SPTBN5: variants seen among roughly 807,000 people sequenced by gnomAD.
The protein encoded by SPTBN5 is spectrin beta chain, non-erythrocytic 5.
A neutral mutation model predicts 477.6 loss-of-function variants in SPTBN5; 513 were observed. That is an observed-to-expected ratio of 1.07 (90% CI 1.00 to 1.16). The LOEUF (loss-of-function observed/expected upper bound fraction) is 1.16. Among genes scored for constraint, SPTBN5 ranks in the 50% most tolerant of loss-of-function variants. The pLI is 0.00. For synonymous variants in SPTBN5, 2,169 were observed against 2,011.7 expected (o/e 1.08, Z -2.09); for missense variants, 5,062 against 4,731.8 (o/e 1.07, Z -2.05).
intron 61 of SPTBN5, 128 bp from the exon 62 acceptor site, chr15:41,852,444 T>TA: frequency 5.8e-6 from 8 of 1,384,980 alleles, no homozygotes; most frequent in Non-Finnish European, 7.9e-6. Flanking sequence ...TCACTAGCTC[T>TA]TTCAGCTTTG....
At chr15:41,851,737 C>G (rs998834612) in intron 63 of SPTBN5, 42 bp downstream of exon 63, 1 of 1,505,128 alleles carries the variant, frequency 6.6e-7, no homozygotes, top group Non-Finnish European at 9.2e-7. Flanking sequence ...AGTGCTGCTG[C>G]AAGTGGGGAG....
rs372936647 is a variant in SPTBN5, at chr15:41,858,502, C to T, written c.8226+100G>A. 98 of 1,400,026 alleles carry T rather than the reference C, an allele frequency of 7.0e-5. 1 individual carries two copies. The highest frequency in any genetic ancestry group is 6.3e-4 in the African/African-American group (44 of 70,120). The allele number at this position is 1,400,026 out of a possible 1,614,324, so 86.7% of individuals were successfully genotyped here. A position where few individuals can be genotyped will look rare whatever the true frequency, so the allele number is the denominator to read the frequency against. On this transcript the variant is annotated intron_variant, in intron 49 of 67. Transcript: ENST00000320955. ...CCTGCATGCAGAAAGTACTGGATAACGCTGGCCACCGTTACTGTGGTTCAG... is the reference window on the plus strand; with the variant it reads ...CCTGCATGCAGAAAGTACTGGATAATGCTGGCCACCGTTACTGTGGTTCAG...
rs1377432838 is a variant in SPTBN5 at position 41,877,328 on chromosome 15, G to A, written c.3499C>T (p.Pro1167Ser). The change falls in exon 18 of 68, where the codon CCC becomes TCC. Residue 1167 changes from proline to serine, a missense_variant. Physicochemically the swap from Pro to Ser is moderately conservative, Grantham distance 74 (BLOSUM62 -1). Coordinates refer to ENST00000320955, the MANE Select transcript of SPTBN5 (RefSeq NM_016642.4). The part of the protein sequence containing the change: ...RLQQLDAQSQ[P>S]MAALDCPDSQ... ...TCTGGGCAGTCCAAGGCTGCCATGGGCTGGCTCTGAGCGTCCAGCTGCTGC... is the reference window on the plus strand; with the variant it reads ...TCTGGGCAGTCCAAGGCTGCCATGGACTGGCTCTGAGCGTCCAGCTGCTGC... The A allele has an allele frequency of 6.2e-7, 1 of 1,609,876 alleles. No homozygotes were observed. The highest frequency in any genetic ancestry group is 8.5e-7 in the Non-Finnish European group (1 of 1,178,058).
chr15:41,855,274 C>T lies in SPTBN5; in HGVS notation c.9373G>A (p.Ala3125Thr), dbSNP rs2065898697. Residue 3125 changes from alanine to threonine, a missense_variant, in exon 55 of 68, where the codon GCG becomes ACG. Ala to Thr is a moderately conservative substitution (Grantham distance 58, BLOSUM62 0). Transcript: ENST00000320955. ...LLLDAWLTTKAATAESQDYGQ... is the reference protein window; with the variant it reads ...LLLDAWLTTKTATAESQDYGQ... ...TAGTCCTGGGACTCGGCGGTGGCCGCCTTGGTGGTCAGCCAGGCGTCGAGG... is the reference window on the plus strand; with the variant it reads ...TAGTCCTGGGACTCGGCGGTGGCCGTCTTGGTGGTCAGCCAGGCGTCGAGG... The T allele has an allele frequency of 6.2e-7, 1 of 1,612,502 alleles. No homozygotes were observed. The highest frequency in any genetic ancestry group is 1.1e-5 in the South Asian group (1 of 91,034).
intron 66 of SPTBN5, 37 bp from the exon 67 acceptor site, chr15:41,849,996 C>CA: frequency 6.6e-7 from 1 of 1,523,470 alleles, no homozygotes; most frequent in African/African-American, 1.4e-5. Context: ...TAGCCCGGCC[C>CA]AGACCATCTG....
intron 41 of SPTBN5, 86 bp from the exon 42 acceptor site, chr15:41,862,989 G>A (rs2066170163): frequency 2.4e-6 from 3 of 1,229,112 alleles, no homozygotes; most frequent in Non-Finnish European, 3.5e-6. Flanking sequence ...TGGCTTCTGT[G>A]TGCACAGCAA....
intron 29 of SPTBN5, 103 bp from the exon 30 acceptor site, chr15:41,870,663 G>C (rs1298960905): frequency 6.4e-6 from 6 of 943,138 alleles, no homozygotes; most frequent in South Asian, 1.6e-5. Context: ...GAGTTGTATC[G>C]GGACTTGCCC....
intron 65 of SPTBN5, 49 bp downstream of exon 65, chr15:41,851,010 G>T: frequency 1.3e-6 from 2 of 1,595,296 alleles, no homozygotes; most frequent in Non-Finnish European, 1.7e-6. Flanking sequence ...CCCCCGCTGA[G>T]CCAGGTGGCT....
chr15:41,876,036 C>T, intron 21 of SPTBN5, 78 bp downstream of exon 21: 3 of 1,517,186 alleles, frequency 2.0e-6, no homozygotes, highest in South Asian at 1.2e-5. Context: ...AAAGACTCTT[C>T]CATGAAAACA....
At position 41,856,508 on chromosome 15, in the gene SPTBN5, C is replaced by T. The variant is rs371548056; in HGVS notation, c.8899G>A (p.Ala2967Thr). The T allele has an allele frequency of 1.3e-5, 20 of 1,599,596 alleles. No individual in the cohort carries two copies. Among genetic ancestry groups the T allele is most frequent in the Admixed American group, 1.0e-4 (6 of 58,528 alleles). Reference protein sequence around the residue: ...YKLVQAGHFAAHEVAARVQQL... With the variant: ...YKLVQAGHFATHEVAARVQQL... Reference sequence around the variant, plus strand: ...TGCACCCGGGCGGCCACCTCGTGGGCGGCAAAGTGCCCAGCCTGCACCAGC... The same window carrying T: ...TGCACCCGGGCGGCCACCTCGTGGGTGGCAAAGTGCCCAGCCTGCACCAGC... The change falls in exon 53 of 68, where the codon GCC becomes ACC. Residue 2967 changes from alanine (A) to threonine (T), a missense_variant. Physicochemically the swap from Ala to Thr is moderately conservative, Grantham distance 58 (BLOSUM62 0). Transcript: ENST00000320955.
At position 41,855,326 on chromosome 15, in the gene SPTBN5, T is replaced by TAGCTGC. The variant is rs745622616; in HGVS notation, c.9315_9320dup (p.Gln3106_Leu3107dup). ...GCAGGGTCTCTCGCTCCAGCTGGTGTAGCTGCAGCTGCTCCTGCAGGCCGT... is the reference window on the plus strand; with the variant it reads ...GCAGGGTCTCTCGCTCCAGCTGGTGTAGCTGCAGCTGCAGCTGCTCCTGCAGGCCGT... On this transcript the variant is annotated inframe_insertion, in exon 55 of 68. Transcript: ENST00000320955. 1 of 1,608,968 alleles carries TAGCTGC rather than the reference T, an allele frequency of 6.2e-7. No individual in the cohort carries two copies. Among genetic ancestry groups the TAGCTGC allele is most frequent in the Non-Finnish European group, 8.5e-7 (1 of 1,179,734 alleles).
intron 6 of SPTBN5, 112 bp from the exon 7 acceptor site, chr15:41,886,478 AAGATGCTTTGAAGTGGTGGT>A (rs1387647279): frequency 7.9e-7 from 1 of 1,259,470 alleles, no homozygotes; most frequent in Non-Finnish European, 1.1e-6. Flanking sequence ...CTCTGAGCCA[AAGATGCTTTGAAGTGGTGGT>A]ACCCCCACCC....
chr15:41,893,706 G>T, intron 1 of SPTBN5, 160 bp from the exon 2 acceptor site: 1 of 872,206 alleles, frequency 1.1e-6, no homozygotes, highest in Non-Finnish European at 1.7e-6. Context: ...GTGCTTGAAT[G>T]GCCCAGGGCC....
intron 41 of SPTBN5, among the ~76,000 whole-genome samples, chr15:41,863,458 C>G (rs570215915): frequency 2.5e-4 from 38 of 152,290 alleles, no homozygotes; most frequent in East Asian, 5.8e-4. Context: ...GGGACCAGAT[C>G]TGGGGGAGAA....
At chr15:41,873,735 C>T in intron 25 of SPTBN5, 110 bp downstream of exon 25, 1 of 1,511,772 alleles carries the variant, frequency 6.6e-7, no homozygotes, top group Non-Finnish European at 9.0e-7. Context: ...CCATCAGCTC[C>T]CAGCCCAGAG....
rs559280272 is a variant in SPTBN5, at chr15:41,849,941, T to G, written c.10940A>C (p.Lys3647Thr). The G allele has an allele frequency of 6.9e-6, 11 of 1,594,898 alleles. No homozygotes were observed. In the Admixed American group the frequency reaches 1.6e-4, roughly 23 times the overall value. Residue 3647 changes from lysine (K) to threonine (T), a missense_variant, in exon 67 of 68, where the codon AAA becomes ACA. By Grantham distance (78) the Lys-to-Thr change is moderately conservative. Coordinates refer to ENST00000320955, the MANE Select transcript of SPTBN5 (RefSeq NM_016642.4). ...GSTAAQSLSP[K>T]LKAKPVSSLN... is the part of the protein sequence containing the mutation. Reference sequence around the variant, plus strand: ...AGAGCTGACAGGTTTGGCTTTGAGTTTTGGGCTCAGACTCTGGGCTGCAGA... The same window carrying G: ...AGAGCTGACAGGTTTGGCTTTGAGTGTTGGGCTCAGACTCTGGGCTGCAGA...
At chr15:41,864,237 A>G (rs115653689) in intron 39 of SPTBN5, among the ~76,000 whole-genome samples, 2,215 of 152,312 alleles carry the variant, frequency 0.015, 46 homozygotes, top group African/African-American at 0.051. Flanking sequence ...TGGAGCCTGC[A>G]GCCCCAGAGT....
chr15:41,879,663 C>G, intron 15 of SPTBN5, 71 bp downstream of exon 15: 1 of 1,579,880 alleles, frequency 6.3e-7, no homozygotes, highest in Non-Finnish European at 8.6e-7. Context: ...TGGCGGGAGG[C>G]AGGTGAGTCA....
Position 41,862,798 on chromosome 15 carries a change from G to C in SPTBN5, c.7255C>G (p.Gln2419Glu), listed in dbSNP as rs764566360. The change falls in exon 42 of 68, where the codon CAG (glutamine) becomes GAG (glutamate). Residue 2419 changes from glutamine to glutamate, a missense_variant. Coordinates refer to ENST00000320955, the MANE Select transcript of SPTBN5 (RefSeq NM_016642.4). ...LEREVHPIQA[Q>E]VESLEREVGR... ...TACAGCCAGCTACGCACCTCCACCT[G>C]GGCCTGGATGGGGTGCACTTCCCGC... is the stretch of plus-strand genomic sequence containing the variant. 11 of 1,571,730 alleles carry C rather than the reference G, an allele frequency of 7.0e-6. No homozygotes were observed. The highest frequency in any genetic ancestry group is 3.3e-4 in the Middle Eastern group (2 of 6,018).
Sources: gnomAD v4.1 joint callset for allele counts (sites outside exome capture counted in the v4.1 genomes callset) on GRCh38, gnomAD v4.1.1 for gene constraint, MANE v1.5 for transcripts, NCBI Gene and HGNC (gene_info 2026-07-23, HGNC 2026-07-21) for gene names.